The following CTC1 variants were observed in gnomAD, a reference collection of about 807,000 sequenced individuals.
The protein encoded by CTC1 is CST complex subunit CTC1.
A neutral mutation model predicts 136.3 loss-of-function variants in CTC1; 91 were observed. The observed-to-expected ratio is 0.67, with a 90% CI of 0.56 to 0.79. CTC1 has a LOEUF of 0.79. Among genes scored for constraint, CTC1 ranks in the 30% least tolerant of loss-of-function variants. The pLI is 0.00. For synonymous variants in CTC1, 606 were observed against 613.8 expected, an observed-to-expected ratio of 0.99 and a Z score of 0.19; for missense variants, 1,432 against 1,498.1, an observed-to-expected ratio of 0.96 and a Z score of 0.73.
In CTC1 at chr17:8,230,396, G is replaced by A. The variant is rs1987110819; in HGVS notation, c.2831C>T (p.Pro944Leu). Reference sequence around the variant, plus strand: ...GTCTTCTATATATACATCCAGGTGAGGGGGGAATTCACATTCAGCAGTCTC... The same window carrying A: ...GTCTTCTATATATACATCCAGGTGAAGGGGGAATTCACATTCAGCAGTCTC... The part of the protein sequence containing the change: ...ALETAECEFP[P>L]HLDVYIEDPH... Residue 944 changes from proline to leucine, a missense_variant, in exon 17 of 23, where the codon CCT (proline) becomes CTT (leucine). Transcript: ENST00000651323. 1 of 1,613,446 alleles carries A rather than the reference G, an allele frequency of 6.2e-7. No homozygotes were observed. Among genetic ancestry groups the A allele is most frequent in the Non-Finnish European group, 8.5e-7 (1 of 1,179,800 alleles).
chr17:8,240,708 C>T (rs1357256314), intron 2 of CTC1, among the ~76,000 whole-genome samples: 5 of 149,858 alleles, frequency 3.3e-5, no homozygotes, highest in South Asian at 2.1e-4. Context: ...GGTGAAACCC[C>T]GTCTCTACCA....
At position 8,229,197 on chromosome 17, in the gene CTC1, T is replaced by C; in HGVS notation, c.3166A>G (p.Thr1056Ala). Reference protein sequence around the residue: ...CTSICRQGKCTRLGSTCPTQT... With the variant: ...CTSICRQGKCARLGSTCPTQT... ...GTAGGGCAAGTGGAGCCCAGGCGAG[T>C]GCACTTTCCCTGGGATGAAGACAGT... Residue 1056 changes from threonine to alanine, a missense_variant, in exon 20 of 23, where the codon ACT becomes GCT. Thr to Ala is a moderately conservative substitution (Grantham distance 58, BLOSUM62 0). Coordinates refer to ENST00000651323, the MANE Select transcript of CTC1 (RefSeq NM_025099.6). 2 of 1,614,090 alleles carry C rather than the reference T, an allele frequency of 1.2e-6. No homozygotes were observed. The highest frequency in any genetic ancestry group is 1.3e-5 in the African/African-American group (1 of 75,010).
chr17:8,232,152 G>A lies in CTC1; in HGVS notation c.2136C>T (p.Pro712=). 4.6e-6 allele frequency: 7 copies of A among 1,524,406 alleles called. No homozygotes were observed. The highest frequency in any genetic ancestry group is 6.1e-6 in the Non-Finnish European group (7 of 1,140,076). 94.4% of individuals were successfully genotyped at this position (1,524,406 alleles called of 1,614,324 possible). The change falls in exon 13 of 23, where the codon CCC becomes CCT. Residue 712 remains proline, a synonymous_variant. Coordinates refer to ENST00000651323, the MANE Select transcript of CTC1 (RefSeq NM_025099.6). The part of the protein sequence containing the change: ...VPRPCLHSAT[P]STPQTDPTGP... ...CGGTGGGATCTGTCTGAGGTGTTGA[G>A]GGTGTTGCTGAATGAAGGCAGGGTC...
chr17:8,229,129 C>G lies in CTC1; in HGVS notation c.3221+13G>C, dbSNP rs115684610. The G allele has an allele frequency of 3.1e-4, 493 of 1,613,036 alleles. 5 individuals are homozygous for G. The African/African-American group carries it at 5.6e-3, about 18-fold the overall frequency. Reference sequence around the variant, plus strand: ...AGTAAATGGCACAATGGGTGCACGCCTTGTGCTCTCACCTGATGATGGCCT... The same window carrying G: ...AGTAAATGGCACAATGGGTGCACGCGTTGTGCTCTCACCTGATGATGGCCT... On this transcript the variant is annotated intron_variant, in intron 20 of 22. Coordinates refer to ENST00000651323, the MANE Select transcript of CTC1 (RefSeq NM_025099.6).
At chr17:8,239,733 T>C (rs1251017836) in intron 2 of CTC1, among the ~76,000 whole-genome samples, 1 of 152,080 alleles carries the variant, frequency 6.6e-6, no homozygotes, top group Non-Finnish European at 1.5e-5. Flanking sequence ...CATGATTTTT[T>C]TTAAGTGGAA....
In CTC1 at chr17:8,226,352, G is replaced by A. The variant is rs946176444; in HGVS notation, c.*1828C>T. 3.3e-5 allele frequency: 5 copies of A among 152,132 alleles called. No homozygotes were observed. Among genetic ancestry groups the A allele is most frequent in the Admixed American group, 2.6e-4 (4 of 15,266 alleles). 9.4% of individuals were successfully genotyped at this position (152,132 alleles called of 1,614,324 possible). ...CCTGAAATTCATCTACAAGAATATA[G>A]AGCTAGGAACCCGGACCGAGCTTTT... On this transcript the variant is annotated 3_prime_UTR_variant, in exon 23 of 23. Transcript: ENST00000651323.
rs373701050 is a variant in CTC1, at chr17:8,236,114, C to T, written c.1021G>A (p.Glu341Lys). ...AGACTTTCTGGATCCTTCTTGTCCTCCGAGTTGCTGGGCATGGGGAGTGGC... is the reference window on the plus strand; with the variant it reads ...AGACTTTCTGGATCCTTCTTGTCCTTCGAGTTGCTGGGCATGGGGAGTGGC... Reference protein sequence around the residue: ...PKPLPMPSNSEDKKDPESLVR... With the variant: ...PKPLPMPSNSKDKKDPESLVR... Residue 341 changes from glutamate (E) to lysine (K), a missense_variant, in exon 6 of 23, where the codon GAG (glutamate) becomes AAG (lysine). Coordinates refer to ENST00000651323, the MANE Select transcript of CTC1 (RefSeq NM_025099.6). The T allele has an allele frequency of 2.5e-6, 4 of 1,614,214 alleles. No individual in the cohort carries two copies. The highest frequency in any genetic ancestry group is 3.4e-6 in the Non-Finnish European group (4 of 1,180,034).
rs760373843 is a variant in CTC1 at position 8,248,042 on chromosome 17, G to A, written c.-6C>T. 2 of 1,591,290 alleles carry A rather than the reference G, an allele frequency of 1.3e-6. No homozygotes were observed. Among genetic ancestry groups the A allele is most frequent in the South Asian group, 1.1e-5 (1 of 89,826 alleles). On this transcript the variant is annotated 5_prime_UTR_variant, in exon 1 of 23. Coordinates refer to ENST00000651323, the MANE Select transcript of CTC1 (RefSeq NM_025099.6). ...TGGGCCCGGCCAGCCGCCATGATGC[G>A]CCGGAGCTCCGCCCCCGGGAGGGGC...
rs372781355 is a variant in CTC1, at chr17:8,237,446, G to C, written c.721C>G (p.Gln241Glu). 1 of 1,613,930 alleles carries C rather than the reference G, an allele frequency of 6.2e-7. No individual in the cohort carries two copies. The highest frequency in any genetic ancestry group is 1.7e-5 in the Admixed American group (1 of 59,986). The change falls in exon 5 of 23, where the codon CAG (glutamine) becomes GAG (glutamate). Residue 241 changes from glutamine (Q) to glutamate (E), a missense_variant. Transcript: ENST00000651323. Reference protein sequence around the residue: ...VRLSALVKSKQKAYFILSLGR... With the variant: ...VRLSALVKSKEKAYFILSLGR... ...AGAGACAGGATGAAGTAAGCTTTCT[G>C]TTTACTTTTCACCAGAGCACTCAAT...
chr17:8,244,887 A>C (rs1988550382), intron 1 of CTC1, among the ~76,000 whole-genome samples: 3 of 152,162 alleles, frequency 2.0e-5, no homozygotes. Flanking sequence ...TCTTCCATGG[A>C]ATCAACCTAA....
Position 8,231,180 on chromosome 17 carries a change from C to A in CTC1, c.2669+96G>T. ...AAAAACAACAATAACAAAAGAAATA[C>A]CTCCTGCAGCAGAAAATGAAGTCTT... On this transcript the variant is annotated intron_variant, in intron 15 of 22. Transcript: ENST00000651323. The A allele has an allele frequency of 1.6e-5, 16 of 970,636 alleles. No homozygotes were observed. The South Asian group carries it at 2.3e-4, about 14-fold the overall frequency. 60.1% of individuals were successfully genotyped at this position (970,636 alleles called of 1,614,324 possible).
rs1986609369 is a variant in CTC1 at position 8,226,089 on chromosome 17, G to A, written c.*2091C>T. ...AGTTAGAGAACCACCTTTTAGAGTG[G>A]CGATCTCATGGGAGTGGCAGCTTGA... On this transcript the variant is annotated 3_prime_UTR_variant, in exon 23 of 23. Coordinates refer to ENST00000651323, the MANE Select transcript of CTC1 (RefSeq NM_025099.6). The A allele has an allele frequency of 6.6e-6, 1 of 152,126 alleles. No homozygotes were observed. The highest frequency in any genetic ancestry group is 1.5e-5 in the Non-Finnish European group (1 of 68,032). The allele number at this position is 152,126 out of a possible 1,614,324, so 9.4% of individuals were successfully genotyped here.
chr17:8,232,486 A>C lies in CTC1; in HGVS notation c.1946-11T>G, dbSNP rs372245030. ...CCCGCACCAGGCAGCCTAGAGGAAG[A>C]AAGTTTTCTGTTTTGACAAGAAAGG... On this transcript the variant is annotated splice_polypyrimidine_tract_variant and intron_variant, in intron 11 of 22. Transcript: ENST00000651323. 1.2e-6 allele frequency: 2 copies of C among 1,610,380 alleles called. No homozygotes were observed. The highest frequency in any genetic ancestry group is 3.4e-5 in the Admixed American group (2 of 59,424).
intron 2 of CTC1, among the ~76,000 whole-genome samples, chr17:8,242,325 A>G (rs114302274): frequency 0.019 from 2,961 of 151,952 alleles, 103 homozygotes; most frequent in African/African-American, 0.068. Flanking sequence ...GAGCCACTGC[A>G]CCTGGCCAAT....
In CTC1 at chr17:8,228,303, C is replaced by T; in HGVS notation, c.3531G>A (p.Gln1177=). Reference sequence around the variant, plus strand: ...AAGGGAGCTCTCCACACTGGAATCGCTGTAGCCGAGGAGGTTCTGAGGTGG... The same window carrying T: ...AAGGGAGCTCTCCACACTGGAATCGTTGTAGCCGAGGAGGTTCTGAGGTGG... ...KIVPLEPPRL[Q]RFQCGELPFL... Residue 1177 remains glutamine, a synonymous_variant, in exon 23 of 23, where the codon CAG becomes CAA. Transcript: ENST00000651323. 1 of 1,614,110 alleles carries T rather than the reference C, an allele frequency of 6.2e-7. No individual in the cohort carries two copies. The highest frequency in any genetic ancestry group is 8.5e-7 in the Non-Finnish European group (1 of 1,180,012).
At chr17:8,231,239 T>C (rs1987193875) in intron 15 of CTC1, 37 bp downstream of exon 15, 1 of 1,456,112 alleles carries the variant, frequency 6.9e-7, no homozygotes, top group South Asian at 1.5e-5. Flanking sequence ...GAAGAGAGAG[T>C]GGCCAAATTA....
Position 8,234,494 on chromosome 17 carries a change from G to A in CTC1, c.1779C>T (p.Ser593=), listed in dbSNP as rs1987518551. 6.4e-7 allele frequency: 1 copy of A among 1,553,426 alleles called. No individual in the cohort carries two copies. Among genetic ancestry groups the A allele is most frequent in the Non-Finnish European group, 8.7e-7 (1 of 1,147,750 alleles). ...SCQLNRRLAW[S]WLCLLPSAFC... ...AGGCAGAGGGCAGCAGACAGAGCCAGGACCAAGCCAGGCGGCGATTGAGTT... is the reference window on the plus strand; with the variant it reads ...AGGCAGAGGGCAGCAGACAGAGCCAAGACCAAGCCAGGCGGCGATTGAGTT... Residue 593 remains serine, a synonymous_variant, in exon 10 of 23, where the codon TCC becomes TCT. Transcript: ENST00000651323.
Position 8,234,600 on chromosome 17 carries a change from T to C in CTC1, c.1673A>G (p.Glu558Gly), listed in dbSNP as rs371121503. Residue 558 changes from glutamate (E) to glycine (G), a missense_variant, in exon 10 of 23, where the codon GAA becomes GGA. By Grantham distance (98) the Glu-to-Gly change is moderately conservative (BLOSUM62 -2). Transcript: ENST00000651323. ...GGAGGCCCAGGCCTTACGCTGTCCTTCTTCTTTCAGGGTGGCCAGAGTGGG... is the reference window on the plus strand; with the variant it reads ...GGAGGCCCAGGCCTTACGCTGTCCTCCTTCTTTCAGGGTGGCCAGAGTGGG... ...SFPTLATLKEEGQRKAWASFD... is the reference protein window; with the variant it reads ...SFPTLATLKEGGQRKAWASFD... 27 of 1,612,002 alleles carry C rather than the reference T, an allele frequency of 1.7e-5. No individual in the cohort carries two copies. Among genetic ancestry groups the C allele is most frequent in the South Asian group, 5.5e-5 (5 of 90,656 alleles).
chr17:8,228,420 T>A, intron 22 of CTC1, 83 bp downstream of exon 22: 1 of 1,610,328 alleles, frequency 6.2e-7, no homozygotes. Flanking sequence ...CATCAGTCCC[T>A]CATCCCTCTT....
Sources: gnomAD v4.1 joint callset for allele counts (sites outside exome capture counted in the v4.1 genomes callset) on GRCh38, gnomAD v4.1.1 for gene constraint, MANE v1.5 for transcripts, NCBI Gene and HGNC (gene_info 2026-07-23, HGNC 2026-07-21) for gene names.